The following SCHIP1 variants were observed in gnomAD, a reference collection of about 807,000 sequenced individuals.
SCHIP1 encodes the protein schwannomin interacting protein 1.
Under a neutral mutation model 29.7 loss-of-function variants are expected in SCHIP1, and 8 were observed. The observed-to-expected ratio is 0.27, with a 90% CI of 0.16 to 0.49. The LOEUF is 0.49. SCHIP1 is among the 20% of genes least tolerant of loss of function. SCHIP1 has a pLI of 0.99. For synonymous variants in SCHIP1, 76 were observed against 94.9 expected, an observed-to-expected ratio of 0.80 and a Z score of 1.16; for missense variants, 193 against 294.6, an observed-to-expected ratio of 0.66 and a Z score of 2.52.
the SCHIP1 span, among the ~76,000 whole-genome samples, chr3:159,571,760 C>T: frequency 6.6e-6 from 1 of 152,064 alleles, no homozygotes; most frequent in Non-Finnish European, 1.5e-5. Flanking sequence ...TGGTCCTGGA[C>T]TTTTTTTGGT....
At chr3:159,458,838 T>G in the SCHIP1 span, among the ~76,000 whole-genome samples, 1 of 152,144 alleles carries the variant, frequency 6.6e-6, no homozygotes, top group Non-Finnish European at 1.5e-5. Flanking sequence ...TTATCTGCTT[T>G]AAAGTGAAAA....
chr3:159,275,321 CTG>C, the SCHIP1 span, among the ~76,000 whole-genome samples: 3 of 152,146 alleles, frequency 2.0e-5, no homozygotes, highest in Non-Finnish European at 4.4e-5. Flanking sequence ...GCATGTACCT[CTG>C]TGATTTTAAA....
chr3:159,616,157 T>C, the SCHIP1 span, among the ~76,000 whole-genome samples: 1 of 152,214 alleles, frequency 6.6e-6, no homozygotes, highest in Non-Finnish European at 1.5e-5. Context: ...GTTTGGGGCT[T>C]ACAAGCTCTG....
chr3:159,656,888 C>G, the SCHIP1 span, among the ~76,000 whole-genome samples: 1 of 152,162 alleles, frequency 6.6e-6, no homozygotes, highest in Non-Finnish European at 1.5e-5. Flanking sequence ...GGTCTTCTGA[C>G]TCCCCTCCAC....
the SCHIP1 span, among the ~76,000 whole-genome samples, chr3:159,761,995 G>A: frequency 1.3e-5 from 2 of 152,170 alleles, no homozygotes; most frequent in Admixed American, 6.5e-5. Context: ...CTGCCACAGA[G>A]CAGGGAGCTT....
chr3:159,884,068 C>T (rs1482815403), intron 2 of SCHIP1, among the ~76,000 whole-genome samples: 1 of 152,066 alleles, frequency 6.6e-6, no homozygotes, highest in African/African-American at 2.4e-5. Context: ...TATCCAGTAG[C>T]CAGACCCTTC....
At chr3:159,680,804 T>C in the SCHIP1 span, among the ~76,000 whole-genome samples, 5 of 126,316 alleles carry the variant, frequency 4.0e-5, no homozygotes, top group African/African-American at 1.4e-4. Context: ...TAATATTCTT[T>C]GGGGTTTTAC....
At chr3:159,757,509 G>C in the SCHIP1 span, among the ~76,000 whole-genome samples, 2 of 152,314 alleles carry the variant, frequency 1.3e-5, no homozygotes, top group East Asian at 3.9e-4. Context: ...AACCATATCA[G>C]ATGCCTTTGT....
At chr3:159,826,107 G>C in the SCHIP1 span, among the ~76,000 whole-genome samples, 2 of 152,182 alleles carry the variant, frequency 1.3e-5, no homozygotes, top group African/African-American at 4.8e-5. Flanking sequence ...GAAAACCGAG[G>C]AGTTTGAAAC....
chr3:159,773,954 A>T, the SCHIP1 span, among the ~76,000 whole-genome samples: 1 of 152,202 alleles, frequency 6.6e-6, no homozygotes, highest in African/African-American at 2.4e-5. Flanking sequence ...CTAGATTAAG[A>T]TGCCTGGCGT....
the SCHIP1 span, among the ~76,000 whole-genome samples, chr3:159,813,180 T>C: frequency 1.3e-5 from 2 of 152,302 alleles, no homozygotes; most frequent in Admixed American, 1.3e-4. Flanking sequence ...ATAGCAGCTA[T>C]CTATTTTGTA....
At chr3:159,318,087 C>G in the SCHIP1 span, among the ~76,000 whole-genome samples, 4 of 152,144 alleles carry the variant, frequency 2.6e-5, no homozygotes, top group Non-Finnish European at 4.4e-5. Context: ...TAACCTCCAT[C>G]CCTGCCACCA....
At chr3:159,668,662 C>T in the SCHIP1 span, among the ~76,000 whole-genome samples, 1 of 152,074 alleles carries the variant, frequency 6.6e-6, no homozygotes, top group Non-Finnish European at 1.5e-5. Context: ...GATGTTGAGT[C>T]CAGGTTCCCA....
intron 2 of SCHIP1, among the ~76,000 whole-genome samples, chr3:159,869,720 AAT>A (rs1560090352): frequency 7.0e-6 from 1 of 143,094 alleles, no homozygotes; most frequent in Non-Finnish European, 1.6e-5. Flanking sequence ...AACTTTAAAT[AAT>A]ATAATCAAGT....
At chr3:159,426,641 T>G in the SCHIP1 span, among the ~76,000 whole-genome samples, 1 of 152,092 alleles carries the variant, frequency 6.6e-6, no homozygotes, top group Non-Finnish European at 1.5e-5. Flanking sequence ...CTGAAACTAT[T>G]CCAATCAATA....
chr3:159,860,730 C>T (rs1430014328), intron 1 of SCHIP1, among the ~76,000 whole-genome samples: 4 of 152,216 alleles, frequency 2.6e-5, no homozygotes, highest in African/African-American at 7.2e-5. Context: ...TCTCCCACTC[C>T]TTCCCACAAC....
At chr3:159,372,311 C>G in the SCHIP1 span, among the ~76,000 whole-genome samples, 1 of 151,940 alleles carries the variant, frequency 6.6e-6, no homozygotes, top group Non-Finnish European at 1.5e-5. Context: ...AAATAAAGAC[C>G]TTCAATTTCA....
chr3:159,479,847 A>G, the SCHIP1 span, among the ~76,000 whole-genome samples: 1 of 152,178 alleles, frequency 6.6e-6, no homozygotes, highest in Admixed American at 6.5e-5. Context: ...AGCCTCTATA[A>G]TGTGCAGCTC....
At chr3:159,473,879 G>A in the SCHIP1 span, among the ~76,000 whole-genome samples, 91 of 152,020 alleles carry the variant, frequency 6.0e-4, no homozygotes, top group Non-Finnish European at 1.2e-3. Context: ...GTGCTACATA[G>A]TTTACATAAC....
Sources: allele counts gnomAD v4.1 joint callset (sites outside exome capture counted in the v4.1 genomes callset), GRCh38; gene constraint gnomAD v4.1.1; transcripts MANE v1.5; gene names NCBI Gene and HGNC (gene_info 2026-07-23, HGNC 2026-07-21).